Variants in AKNA observed in about 807,000 individuals in gnomAD.
AKNA encodes microtubule organization protein AKNA.
Under a neutral mutation model 138.8 loss-of-function variants are expected in AKNA, and 67 were observed. That is an observed-to-expected ratio of 0.48 (90% CI 0.40 to 0.59). The LOEUF (loss-of-function observed/expected upper bound fraction) is 0.59, where lower values mean the gene tolerates loss of function less well. Among genes scored for constraint, AKNA ranks in the 20% least tolerant of loss-of-function variants. The pLI is 0.00. For missense variants in AKNA, 1,813 were observed against 1,880.4 expected (o/e 0.96, Z 0.66); for synonymous variants, 737 against 754.4 (o/e 0.98, Z 0.38).
rs77990959 is a variant in AKNA, at chr9:114,342,067, G to A, written c.3816C>T (p.Pro1272=). 2.5e-6 allele frequency: 4 copies of A among 1,613,706 alleles called. No homozygotes were observed. Among genetic ancestry groups the A allele is most frequent in the African/African-American group, 1.3e-5 (1 of 75,010 alleles). The change falls in exon 20 of 22, where the codon CCC becomes CCT. Residue 1272 remains proline (P), a synonymous_variant. Coordinates refer to ENST00000374088, the MANE Select transcript of AKNA (RefSeq NM_001317950.2). ...GPPPADTLQC[P]LCGQVGSPPE... is the part of the protein sequence containing the mutation. Reference sequence around the variant, plus strand: ...GGGGAGACCCAACTTGACCACACAGGGGACACTGAAGGGTATCAGCGGGAG... The same window carrying A: ...GGGGAGACCCAACTTGACCACACAGAGGACACTGAAGGGTATCAGCGGGAG...
At chr9:114,383,558 C>G (rs1833833621) in intron 1 of AKNA, among the ~76,000 whole-genome samples, 1 of 152,180 alleles carries the variant, frequency 6.6e-6, no homozygotes, top group Admixed American at 6.5e-5. Context: ...CCTAAAGCCA[C>G]ACAGGGGTCA....
upstream of AKNA, among the ~76,000 whole-genome samples, chr9:114,395,834 C>A (rs1289571758): frequency 3.3e-5 from 5 of 151,684 alleles, no homozygotes; most frequent in Non-Finnish European, 7.4e-5. Context: ...ATTGGCCATG[C>A]CAATTTCAAG....
At chr9:114,359,459 A>ATTCC in intron 11 of AKNA, 135 bp downstream of exon 11, 1 of 1,527,952 alleles carries the variant, frequency 6.5e-7, no homozygotes, top group East Asian at 2.3e-5. Flanking sequence ...AGTGGTATAC[A>ATTCC]TTCCACACTT....
intron 17 of AKNA, among the ~76,000 whole-genome samples, chr9:114,346,380 G>A (rs1830686423): frequency 1.3e-5 from 2 of 152,188 alleles, no homozygotes; most frequent in South Asian, 4.1e-4. Context: ...CATCCCCTGC[G>A]CTCATTGGGC....
chr9:114,344,893 C>T (rs1404150665), intron 18 of AKNA: 4 of 153,028 alleles, frequency 2.6e-5, no homozygotes, highest in African/African-American at 7.2e-5. Context: ...CGTTATGGTC[C>T]ATGGAGCAGA....
chr9:114,333,883 C>A (rs978928060), downstream of AKNA, among the ~76,000 whole-genome samples: 4 of 150,682 alleles, frequency 2.7e-5, 1 homozygote, highest in African/African-American at 5.0e-5. Flanking sequence ...ATTTTCAGCC[C>A]CATGTGTTGG....
chr9:114,337,410 A>G (rs1830070519), intron 21 of AKNA, 104 bp from the exon 22 acceptor site: 29 of 1,216,994 alleles, frequency 2.4e-5, no homozygotes, highest in Non-Finnish European at 3.0e-5. Context: ...CAGCTGGGCC[A>G]GTGGCTCCTA....
At position 114,357,963 on chromosome 9, in the gene AKNA, A is replaced by T; in HGVS notation, c.2697T>A (p.Leu899=). Residue 899 remains leucine (L), a synonymous_variant, in exon 12 of 22, where the codon CTT becomes CTA. Coordinates refer to ENST00000374088, the MANE Select transcript of AKNA (RefSeq NM_001317950.2). ...SLEGSGISER[L]PQKPLHRGGG... is the part of the protein sequence containing the mutation. ...CGCCTCGGTGCAAAGGCTTCTGTGG[A>T]AGGCGCTCAGAGATGCCGCTTCCCT... is the stretch of plus-strand genomic sequence containing the variant. The T allele has an allele frequency of 6.2e-7, 1 of 1,602,124 alleles. No homozygotes were observed. Among genetic ancestry groups the T allele is most frequent in the Non-Finnish European group, 8.5e-7 (1 of 1,175,726 alleles).
chr9:114,395,736 TAAAAAAAAA>T (rs11297740), upstream of AKNA, among the ~76,000 whole-genome samples: 119 of 108,256 alleles, frequency 1.1e-3, no homozygotes, highest in African/African-American at 3.5e-3. Flanking sequence ...CAGCTGTCTT[TAAAAAAAAA>T]AAAAAAAAAA....
intron 13 of AKNA, 123 bp from the exon 14 acceptor site, chr9:114,356,259 G>C: frequency 1.2e-6 from 1 of 868,832 alleles, no homozygotes; most frequent in Admixed American, 2.9e-5. Context: ...TTTGCATCTC[G>C]GGTGGTACAA....
Position 114,335,261 on chromosome 9 carries a change from G to A in AKNA, c.*1793C>T, listed in dbSNP as rs1433448121. 2.0e-5 allele frequency: 3 copies of A among 152,196 alleles called. No individual in the cohort carries two copies. The highest frequency in any genetic ancestry group is 7.2e-5 in the African/African-American group (3 of 41,418). 9.4% of individuals were successfully genotyped at this position (152,196 alleles called of 1,614,324 possible). ...ACACATAACAAAGAATGTGGACTTT[G>A]GGTCAGACCAATGTGAGTTTAAATC... is the stretch of plus-strand genomic sequence containing the variant. On this transcript the variant is annotated 3_prime_UTR_variant, in exon 22 of 22. Coordinates refer to ENST00000374088, the MANE Select transcript of AKNA (RefSeq NM_001317950.2).
At chr9:114,343,634 A>C (rs1409815283) in intron 19 of AKNA, 74 bp downstream of exon 19, 3 of 1,477,600 alleles carry the variant, frequency 2.0e-6, no homozygotes, top group African/African-American at 1.4e-5. Context: ...GATCTTGTCA[A>C]GTACACACTC....
At chr9:114,360,205 T>C in intron 9 of AKNA, 143 bp from the exon 10 acceptor site, 1 of 960,482 alleles carries the variant, frequency 1.0e-6, no homozygotes, top group Non-Finnish European at 1.6e-6. Context: ...CTTTTATGTA[T>C]GTGTAAACTA....
chr9:114,331,487 C>T, downstream of AKNA: 3 of 1,175,162 alleles, frequency 2.6e-6, no homozygotes, highest in Non-Finnish European at 3.8e-6. Context: ...GCCCCGGACA[C>T]ACCTAGGACT....
At chr9:114,398,388 C>A (rs1157083492), upstream of AKNA, 2 of 152,190 alleles carry the variant, frequency 1.3e-5, no homozygotes, top group Non-Finnish European at 2.9e-5. This position sits in a 1 kb window ranked among gnomAD's most constrained non-coding sequence, Gnocchi z 4.2. Context: ...TGAGTCCCAA[C>A]GAGGGACAGG....
At chr9:114,330,949 G>A, downstream of AKNA, 1 of 1,093,262 alleles carries the variant, frequency 9.1e-7, no homozygotes, top group East Asian at 2.4e-5. Context: ...AGCCCTGGAG[G>A]CTTTGGGCAC....
chr9:114,337,486 A>G (rs1830076192), intron 21 of AKNA, among the ~76,000 whole-genome samples, 180 bp from the exon 22 acceptor site: 1 of 152,184 alleles, frequency 6.6e-6, no homozygotes, highest in Admixed American at 6.5e-5. Context: ...GGGATTTCTT[A>G]GAAAGATGAA....
chr9:114,374,990 GA>G (rs1298302409), intron 3 of AKNA, among the ~76,000 whole-genome samples: 1 of 152,216 alleles, frequency 6.6e-6, no homozygotes, highest in Non-Finnish European at 1.5e-5. Flanking sequence ...CACCTCAAAT[GA>G]AAGACTAGCC....
intron 2 of AKNA, among the ~76,000 whole-genome samples, 200 bp downstream of exon 2, chr9:114,380,858 CTG>C (rs1426646258): frequency 6.6e-6 from 1 of 151,398 alleles, no homozygotes; most frequent in Non-Finnish European, 1.5e-5. Context: ...TGGCGCATGC[CTG>C]TAATCCCAGC....
Sources: gnomAD v4.1 joint callset for allele counts (sites outside exome capture counted in the v4.1 genomes callset) on GRCh38, gnomAD v4.1.1 for gene constraint, Gnocchi (gnomAD v3.1) non-coding constraint, MANE v1.5 for transcripts, NCBI Gene and HGNC (gene_info 2026-07-23, HGNC 2026-07-21) for gene names.